ANK3: variants seen among roughly 807,000 people sequenced by gnomAD.
ANK3 encodes the protein ankyrin-3.
In ANK3, 57 loss-of-function variants were observed where a neutral mutation model predicts 370.9. The observed-to-expected ratio is 0.15, with a 90% CI of 0.12 to 0.19. The LOEUF is 0.19. Among genes scored for constraint, ANK3 ranks in the 10% least tolerant of loss-of-function variants. The pLI is 1.00. For synonymous variants in ANK3, 1,929 were observed against 1,946.3 expected (o/e 0.99, Z 0.23); for missense variants, 4,439 against 5,302.1 (o/e 0.84, Z 5.06).
intron 15 of ANK3, 101 bp downstream of exon 15, chr10:60,196,426 A>C (rs931886015): frequency 4.1e-6 from 4 of 966,202 alleles, no homozygotes; most frequent in Non-Finnish European, 6.3e-6. Flanking sequence ...GTGGGACTTA[A>C]ATATTTAGTT....
intron 1 of ANK3, among the ~76,000 whole-genome samples, chr10:60,371,650 G>GGT (rs1248979988): frequency 6.6e-6 from 1 of 152,094 alleles, no homozygotes; most frequent in Non-Finnish European, 1.5e-5. Context: ...CTCCAGTCAA[G>GGT]ATAATTCTAC....
At chr10:60,576,187 AC>A (rs1036323277) in intron 2 of ANK3, among the ~76,000 whole-genome samples, 3 of 152,328 alleles carry the variant, frequency 2.0e-5, no homozygotes, top group African/African-American at 7.2e-5. Flanking sequence ...AGAGGAAAAC[AC>A]GACTGGATTA....
At chr10:60,443,912 C>T (rs925674312) in intron 2 of ANK3, among the ~76,000 whole-genome samples, 6 of 152,236 alleles carry the variant, frequency 3.9e-5, no homozygotes, top group East Asian at 1.9e-4. Context: ...CCATGTCCAT[C>T]GCAGATGTAC....
At chr10:60,731,244 A>G (rs2132035406) in intron 1 of ANK3, among the ~76,000 whole-genome samples, 1 of 152,284 alleles carries the variant, frequency 6.6e-6, no homozygotes, top group African/African-American at 2.4e-5. Flanking sequence ...AAAATTAAGT[A>G]CTGAAAAAAA....
At chr10:60,414,352 G>A (rs1285225053) in intron 2 of ANK3, among the ~76,000 whole-genome samples, 1 of 151,996 alleles carries the variant, frequency 6.6e-6, no homozygotes, top group East Asian at 1.9e-4. Flanking sequence ...ATATCCATGG[G>A]GACTGGATTA....
At chr10:60,641,581 G>A (rs1378905578) in intron 1 of ANK3, among the ~76,000 whole-genome samples, 1 of 150,798 alleles carries the variant, frequency 6.6e-6, no homozygotes, top group Non-Finnish European at 1.5e-5. Context: ...TAGCCATATG[G>A]AGAAAGCTGA....
chr10:60,319,837 C>A (rs1406765644), intron 1 of ANK3, among the ~76,000 whole-genome samples: 13 of 152,194 alleles, frequency 8.5e-5, no homozygotes, highest in Non-Finnish European at 1.5e-5. Flanking sequence ...TGCCTCTTCA[C>A]CACTGATTAT....
chr10:60,585,738 A>ACTAG (rs2077821588), intron 2 of ANK3, among the ~76,000 whole-genome samples: 1 of 152,162 alleles, frequency 6.6e-6, no homozygotes, highest in Admixed American at 6.6e-5. Flanking sequence ...GAACTGTACT[A>ACTAG]CTAGGCTGGG....
At chr10:60,660,779 G>C (rs1413563672) in intron 1 of ANK3, among the ~76,000 whole-genome samples, 1 of 152,100 alleles carries the variant, frequency 6.6e-6, no homozygotes, top group Non-Finnish European at 1.5e-5. Context: ...GGGATAGGAT[G>C]GGGGAGCATT....
intron 2 of ANK3, among the ~76,000 whole-genome samples, chr10:60,517,428 T>C (rs1160373801): frequency 6.6e-6 from 1 of 152,106 alleles, no homozygotes; most frequent in Non-Finnish European, 1.5e-5. Context: ...TACCCATCTA[T>C]GGCCATACCA....
At chr10:60,319,422 C>A (rs567562595) in intron 1 of ANK3, among the ~76,000 whole-genome samples, 1 of 152,180 alleles carries the variant, frequency 6.6e-6, no homozygotes, top group Non-Finnish European at 1.5e-5. Flanking sequence ...AGTCTCCCAT[C>A]ATGACAACAG....
rs143182284 is a variant in ANK3, at chr10:60,120,515, A to G, written c.2842-6184T>C. 4.0e-3 allele frequency among the ~76,000 whole-genome samples: 612 copies of G among 152,312 alleles called. 3 individuals are homozygous for G. Among genetic ancestry groups the G allele is most frequent in the African/African-American group, 0.014 (573 of 41,570 alleles). On this transcript the variant is annotated intron_variant, in intron 25 of 43. Coordinates refer to ENST00000280772, the MANE Select transcript of ANK3 (RefSeq NM_020987.5). ...CCGCACAGCAAAAGAAACAATCAGC[A>G]AAGTGAAGAGACAACCCACAGAATG... is the stretch of plus-strand genomic sequence containing the variant.
intron 9 of ANK3, among the ~76,000 whole-genome samples, chr10:60,209,668 A>C (rs1180065508): frequency 2.6e-5 from 4 of 152,220 alleles, no homozygotes; most frequent in African/African-American, 9.6e-5. Flanking sequence ...AAAGGTAGGA[A>C]CATTTCCCAT....
chr10:60,523,611 T>G (rs977145940), intron 2 of ANK3, among the ~76,000 whole-genome samples: 3 of 152,036 alleles, frequency 2.0e-5, no homozygotes, highest in Non-Finnish European at 4.4e-5. Context: ...ATGGTGTATA[T>G]GTGCCACATT....
chr10:60,329,544 G>T (rs991082995), intron 1 of ANK3, among the ~76,000 whole-genome samples: 1 of 152,050 alleles, frequency 6.6e-6, no homozygotes, highest in African/African-American at 2.4e-5. Context: ...TTGGTACAAA[G>T]AGATTAAAAT....
At chr10:60,344,577 TA>T in intron 1 of ANK3, among the ~76,000 whole-genome samples, 1 of 152,272 alleles carries the variant, frequency 6.6e-6, no homozygotes, top group Admixed American at 6.5e-5. Flanking sequence ...ACACTCCTCT[TA>T]AAAATGTTGC....
chr10:60,491,798 A>G (rs2075514297), intron 2 of ANK3, among the ~76,000 whole-genome samples: 1 of 152,156 alleles, frequency 6.6e-6, no homozygotes. Context: ...ACTCCTTGGT[A>G]CCTCTGAGTC....
At chr10:60,477,892 T>C (rs1349731391) in intron 2 of ANK3, among the ~76,000 whole-genome samples, 4 of 152,024 alleles carry the variant, frequency 2.6e-5, no homozygotes, top group African/African-American at 9.7e-5. Context: ...ATTGAAACAT[T>C]TTTATGTAAT....
chr10:60,283,929 T>C (rs568680341), intron 1 of ANK3, among the ~76,000 whole-genome samples: 1 of 152,300 alleles, frequency 6.6e-6, no homozygotes, highest in African/African-American at 2.4e-5. Flanking sequence ...ATGTAATCCT[T>C]ATAACAGTTC....
Sources: gnomAD v4.1 joint callset for allele counts (sites outside exome capture counted in the v4.1 genomes callset) on GRCh38, gnomAD v4.1.1 for gene constraint, MANE v1.5 for transcripts, NCBI Gene and HGNC (gene_info 2026-07-23, HGNC 2026-07-21) for gene names.